Variants in LRIT1 observed in about 807,000 individuals in gnomAD.
LRIT1 encodes the protein leucine-rich repeat, immunoglobulin-like domain and transmembrane domain-containing protein 1.
A neutral mutation model predicts 24.0 loss-of-function variants in LRIT1; 23 were observed. The observed-to-expected ratio is 0.96, with a 90% CI of 0.69 to 1.36. LRIT1 has a LOEUF of 1.36. LRIT1 is among the 40% of genes most tolerant of loss of function. LRIT1 has a pLI of 0.00. For synonymous variants in LRIT1, 361 were observed against 340.5 expected (o/e 1.06, Z -0.66); for missense variants, 846 against 806.3 (o/e 1.05, Z -0.60).
At chr10:84,234,793 TA>T (rs1842634778) in intron 2 of LRIT1, among the ~76,000 whole-genome samples, 1 of 152,126 alleles carries the variant, frequency 6.6e-6, no homozygotes, top group Non-Finnish European at 1.5e-5. Context: ...TCTCCCAGTA[TA>T]AATGGTATTT....
chr10:84,231,841 G>C lies in LRIT1; in HGVS notation c.*86C>G. The C allele has an allele frequency of 3.4e-6, 5 of 1,456,172 alleles. No individual in the cohort carries two copies. The highest frequency in any genetic ancestry group is 2.3e-5 in the East Asian group (1 of 43,528). 90.2% of individuals were successfully genotyped at this position (1,456,172 alleles called of 1,614,324 possible). On this transcript the variant is annotated 3_prime_UTR_variant, in exon 4 of 4. Transcript: ENST00000372105. ...TCTGAGTAAGCAGGTACCCGAGCAG[G>C]TAAGAGTGGGTGATCGTGTACTCAG...
At chr10:84,238,388 A>T (rs576267044) in intron 1 of LRIT1, among the ~76,000 whole-genome samples, 22 of 152,112 alleles carry the variant, frequency 1.4e-4, no homozygotes, top group African/African-American at 5.3e-4. Context: ...GTTAAATTAT[A>T]CCTCAATTTT....
Position 84,234,079 on chromosome 10 carries a change from C to CG in LRIT1, c.888_889insC (p.Gly297ArgfsTer10), listed in dbSNP as rs1842626352. On this transcript the variant is annotated frameshift_variant, in exon 3 of 4. Transcript: ENST00000372105. LOFTEE classifies it low-confidence loss of function (END_TRUNC). ...ATCCCTGTAGCTCACATACCTGTACCATTAAGGGGCCTGCCATTGGCCCTC... is the reference window on the plus strand; with the variant it reads ...ATCCCTGTAGCTCACATACCTGTACCGATTAAGGGGCCTGCCATTGGCCCTC... 6.5e-7 allele frequency: 1 copy of CG among 1,535,222 alleles called. No homozygotes were observed. The highest frequency in any genetic ancestry group is 1.4e-5 in the African/African-American group (1 of 72,708).
rs778299500 is a variant in LRIT1 at position 84,237,483 on chromosome 10, A to C, written c.326T>G (p.Leu109Arg). 1.9e-6 allele frequency: 3 copies of C among 1,588,564 alleles called. No homozygotes were observed. The highest frequency in any genetic ancestry group is 2.6e-6 in the Non-Finnish European group (3 of 1,171,506). The change falls in exon 2 of 4, where the codon CTG becomes CGG. Residue 109 changes from leucine to arginine, a missense_variant. Leu to Arg is a moderately radical substitution (Grantham distance 102). Coordinates refer to ENST00000372105, the MANE Select transcript of LRIT1 (RefSeq NM_015613.3). ...GTTCCCGGGCAGCCGCAGCTCCCGC[A>C]GGCGTCGCAGGCCCCGCAGCATGAG... ...NALMLRGLRR[L>R]RELRLPGNRL...
intron 3 of LRIT1, among the ~76,000 whole-genome samples, chr10:84,233,503 T>TC (rs35487506): frequency 0.49 from 74,190 of 151,896 alleles, 20,174 homozygotes; most frequent in African/African-American, 0.74. Flanking sequence ...GCAAAGGTGA[T>TC]CAGCTAGATT....
Position 84,232,707 on chromosome 10 carries a change from C to T in LRIT1, c.1092G>A (p.Arg364=), listed in dbSNP as rs1164708840. The change falls in exon 4 of 4, where the codon AGG becomes AGA. Residue 364 remains arginine, a synonymous_variant. Transcript: ENST00000372105. ...HSGSPGALWA[R]TGGGGEAAAY... is the part of the protein sequence containing the mutation. ...CAGCAGCTTCCCCTCCGCCACCTGT[C>T]CTTGCCCATAGTGCTCCTGGGCTCC... 6.2e-7 allele frequency: 1 copy of T among 1,613,960 alleles called. No homozygotes were observed. Among genetic ancestry groups the T allele is most frequent in the Non-Finnish European group, 8.5e-7 (1 of 1,179,936 alleles).
intron 3 of LRIT1, 39 bp from the exon 4 acceptor site, chr10:84,232,942 C>G: frequency 3.2e-6 from 5 of 1,577,422 alleles, no homozygotes; most frequent in Non-Finnish European, 4.3e-6. Flanking sequence ...AACGAATGGG[C>G]CCATCTGCCC....
chr10:84,231,744 T>C lies in LRIT1; in HGVS notation c.*183A>G, dbSNP rs911452665. On this transcript the variant is annotated 3_prime_UTR_variant, in exon 4 of 4. Transcript: ENST00000372105. ...TTAGCACTTAGAACACTTTCTAGTC[T>C]GTAGTAAGTGCTTAACAAGTGTTAG... 2 of 615,122 alleles carry C rather than the reference T, an allele frequency of 3.3e-6. No individual in the cohort carries two copies. Among genetic ancestry groups the C allele is most frequent in the Non-Finnish European group, 5.6e-6 (2 of 356,160 alleles). The allele number at this position is 615,122 out of a possible 1,614,324, so 38.1% of individuals were successfully genotyped here. A position where few individuals can be genotyped will look rare whatever the true frequency, so the allele number is the denominator to read the frequency against.
At chr10:84,233,620 C>T (rs1457262456) in intron 3 of LRIT1, among the ~76,000 whole-genome samples, 1 of 152,192 alleles carries the variant, frequency 6.6e-6, no homozygotes, top group Admixed American at 6.5e-5. Context: ...TTGGGTTGCT[C>T]TTTGAAGTTC....
At chr10:84,239,493 T>C (rs1188902477) in intron 1 of LRIT1, among the ~76,000 whole-genome samples, 2 of 152,128 alleles carry the variant, frequency 1.3e-5, no homozygotes, top group Non-Finnish European at 1.5e-5. Flanking sequence ...GGTCTGGATG[T>C]AGGTGAGAGA....
chr10:84,234,873 C>T (rs759948609), intron 2 of LRIT1, among the ~76,000 whole-genome samples: 5 of 152,238 alleles, frequency 3.3e-5, no homozygotes, highest in East Asian at 1.9e-4. Context: ...CTTAAATGGG[C>T]GTAAACAGCA....
chr10:84,235,764 C>T (rs1393183850), intron 2 of LRIT1, among the ~76,000 whole-genome samples: 2 of 152,158 alleles, frequency 1.3e-5, no homozygotes, highest in African/African-American at 4.8e-5. Context: ...GTGCCCACCA[C>T]CACATCCAGC....
At chr10:84,236,557 T>A (rs985297887) in intron 2 of LRIT1, among the ~76,000 whole-genome samples, 1 of 152,220 alleles carries the variant, frequency 6.6e-6, no homozygotes, top group East Asian at 1.9e-4. Flanking sequence ...TTGGTTAGTA[T>A]GTATGACAAA....
intron 1 of LRIT1, among the ~76,000 whole-genome samples, chr10:84,237,917 T>C (rs180813728): frequency 5.3e-4 from 81 of 152,288 alleles, no homozygotes; most frequent in Admixed American, 1.1e-3. Flanking sequence ...GAAGGTGATT[T>C]GGTCTTCACG....
chr10:84,234,461 C>T lies in LRIT1; in HGVS notation c.590-83G>A, dbSNP rs545996829. On this transcript the variant is annotated intron_variant, in intron 2 of 3. Transcript: ENST00000372105. ...CAGCACCCCTTCCCCTCTGGAAGGACAGGCAGGTCCTCATTCAGAGTCAGC... is the reference window on the plus strand; with the variant it reads ...CAGCACCCCTTCCCCTCTGGAAGGATAGGCAGGTCCTCATTCAGAGTCAGC... 82 of 1,108,544 alleles carry T rather than the reference C, an allele frequency of 7.4e-5. No individual in the cohort carries two copies. In the South Asian group the frequency reaches 1.3e-3, roughly 18 times the overall value. The allele number at this position is 1,108,544 out of a possible 1,614,324, so 68.7% of individuals were successfully genotyped here.
chr10:84,241,205 G>T, intron 1 of LRIT1, 113 bp downstream of exon 1: 1 of 1,506,472 alleles, frequency 6.6e-7, no homozygotes, highest in Non-Finnish European at 9.1e-7. Context: ...GTCCTCAAGG[G>T]CCAAGGGAGA....
chr10:84,235,550 T>C (rs1345744983), intron 2 of LRIT1, among the ~76,000 whole-genome samples: 1 of 152,226 alleles, frequency 6.6e-6, no homozygotes, highest in Non-Finnish European at 1.5e-5. Context: ...ATTTTAATTG[T>C]TAGTTCCATG....
At chr10:84,236,589 T>C (rs756886181) in intron 2 of LRIT1, among the ~76,000 whole-genome samples, 1 of 152,200 alleles carries the variant, frequency 6.6e-6, no homozygotes. Flanking sequence ...AACATACACA[T>C]AACTTTTCTG....
At chr10:84,237,111 C>G in intron 2 of LRIT1, 109 bp downstream of exon 2, 1 of 917,132 alleles carries the variant, frequency 1.1e-6, no homozygotes, top group African/African-American at 1.7e-5. Context: ...ATCTCACTGT[C>G]TTTGCTCAAA....
Sources: allele counts gnomAD v4.1 joint callset (sites outside exome capture counted in the v4.1 genomes callset), GRCh38; gene constraint gnomAD v4.1.1; transcripts MANE v1.5; gene names NCBI Gene and HGNC (gene_info 2026-07-23, HGNC 2026-07-21).